Variants in CHD9 observed in about 807,000 individuals in gnomAD.
The protein encoded by CHD9 is chromodomain helicase DNA binding protein 9.
Under a neutral mutation model 316.1 loss-of-function variants are expected in CHD9, and 77 were observed. The observed-to-expected ratio is 0.24, with a 90% CI of 0.20 to 0.29. The LOEUF is 0.29. Among genes scored for constraint, CHD9 ranks in the 10% least tolerant of loss-of-function variants. The pLI is 1.00. For synonymous variants in CHD9, 1,129 were observed against 1,158.3 expected (o/e 0.97, Z 0.51); for missense variants, 2,763 against 3,438.1 (o/e 0.80, Z 4.91).
intron 2 of CHD9, among the ~76,000 whole-genome samples, chr16:53,171,633 G>C (rs1404814763): frequency 2.0e-5 from 3 of 151,962 alleles, no homozygotes; most frequent in African/African-American, 7.3e-5. Flanking sequence ...GTGATCACTT[G>C]AGCTGAGGCG....
Position 53,304,566 on chromosome 16 carries a change from C to A in CHD9, c.6560C>A (p.Ser2187Tyr). Residue 2187 changes from serine to tyrosine, a missense_variant, in exon 31 of 39, where the codon TCC becomes TAC. Physicochemically the swap from Ser to Tyr is moderately radical, Grantham distance 144 (BLOSUM62 -2). Around this residue, in one of 15 missense-constraint regions of CHD9, gnomAD observed 663 missense variants for 751.2 expected, o/e 0.88. Coordinates refer to ENST00000447540, the MANE Select transcript of CHD9 (RefSeq NM_001308319.2). ...SSSSSTSSSS[S>Y]SSSSSSEESD... Reference sequence around the variant, plus strand: ...TCTTCCTCCACCTCTTCCTCCTCCTCCTCCTCTTCATCTTCATCAGAAGAA... The same window carrying A: ...TCTTCCTCCACCTCTTCCTCCTCCTACTCCTCTTCATCTTCATCAGAAGAA... 1 of 1,548,702 alleles carries A rather than the reference C, an allele frequency of 6.5e-7. No homozygotes were observed.
At chr16:53,277,276 A>T (rs1386143707) in intron 24 of CHD9, among the ~76,000 whole-genome samples, 1 of 152,208 alleles carries the variant, frequency 6.6e-6, no homozygotes, top group Non-Finnish European at 1.5e-5. Flanking sequence ...TATCACCCTG[A>T]TACCAAAACC....
intron 30 of CHD9, among the ~76,000 whole-genome samples, chr16:53,298,039 T>A (rs2054963625): frequency 6.6e-6 from 1 of 152,232 alleles, no homozygotes; most frequent in South Asian, 2.1e-4. Flanking sequence ...TTCCCATCAA[T>A]AATATAGTGA....
At chr16:53,106,812 A>G (rs2037396520) in intron 1 of CHD9, among the ~76,000 whole-genome samples, 1 of 152,228 alleles carries the variant, frequency 6.6e-6, no homozygotes, top group Non-Finnish European at 1.5e-5. Flanking sequence ...TATCCTTGAA[A>G]ACATTTAGAA....
chr16:53,139,431 A>G (rs749964703), intron 1 of CHD9, among the ~76,000 whole-genome samples: 3 of 152,260 alleles, frequency 2.0e-5, no homozygotes, highest in Non-Finnish European at 4.4e-5. Context: ...TGTTAATTTA[A>G]TTGAACCAAG....
intron 22 of CHD9, among the ~76,000 whole-genome samples, chr16:53,271,030 A>T (rs1048860367): frequency 6.6e-6 from 1 of 152,046 alleles, no homozygotes; most frequent in Non-Finnish European, 1.5e-5. Context: ...GGATTAAATA[A>T]CTGTGTGCAT....
chr16:53,327,429 C>G lies in CHD9; in HGVS notation c.*2534C>G, dbSNP rs1404843036. The G allele has an allele frequency of 6.6e-6, 1 of 152,420 alleles. No homozygotes were observed. Among genetic ancestry groups the G allele is most frequent in the African/African-American group, 2.4e-5 (1 of 41,414 alleles). 9.4% of individuals were successfully genotyped at this position (152,420 alleles called of 1,614,324 possible). On this transcript the variant is annotated 3_prime_UTR_variant, in exon 39 of 39. Transcript: ENST00000447540. ...AAGTCATTTGTAATTTATTAAATTA[C>G]TTTCTATGATGTTCTATAGAGCAAA... is the stretch of plus-strand genomic sequence containing the variant.
intron 1 of CHD9, among the ~76,000 whole-genome samples, chr16:53,062,820 T>A (rs926029995): frequency 1.3e-5 from 2 of 151,964 alleles, no homozygotes; most frequent in Non-Finnish European, 1.5e-5. Context: ...CACCTGAGGT[T>A]GGGAGATTGA....
chr16:53,130,119 G>A (rs1597078470), intron 1 of CHD9, among the ~76,000 whole-genome samples: 1 of 152,328 alleles, frequency 6.6e-6, no homozygotes. Context: ...AGACAGGGTT[G>A]CAACCGCAGG....
At chr16:53,158,320 C>A (rs542374819) in intron 2 of CHD9, among the ~76,000 whole-genome samples, 2 of 152,060 alleles carry the variant, frequency 1.3e-5, no homozygotes. Context: ...ATTGTAATCA[C>A]GATAGACCAT....
intron 2 of CHD9, among the ~76,000 whole-genome samples, chr16:53,163,462 G>A (rs942693150): frequency 6.6e-6 from 1 of 152,014 alleles, no homozygotes; most frequent in Non-Finnish European, 1.5e-5. Context: ...TGCCTGCCTC[G>A]GCCTCCCAAA....
At chr16:53,108,467 T>C (rs1205346750) in intron 1 of CHD9, among the ~76,000 whole-genome samples, 1 of 152,006 alleles carries the variant, frequency 6.6e-6, no homozygotes, top group Non-Finnish European at 1.5e-5. Flanking sequence ...ATTGCACCAG[T>C]GCACTCCAGC....
chr16:53,156,596 A>T lies in CHD9; in HGVS notation c.507A>T (p.Glu169Asp), dbSNP rs2041538155. The T allele has an allele frequency of 6.2e-7, 1 of 1,613,888 alleles. No individual in the cohort carries two copies. The highest frequency in any genetic ancestry group is 1.3e-5 in the African/African-American group (1 of 74,928). Residue 169 changes from glutamate to aspartate, a missense_variant, in exon 2 of 39, where the codon GAA (glutamate) becomes GAT (aspartate). Physicochemically the swap from Glu to Asp is conservative, Grantham distance 45 (BLOSUM62 2). Around this residue, in one of 15 missense-constraint regions of CHD9, gnomAD observed 859 missense variants for 890.4 expected, o/e 0.96. Coordinates refer to ENST00000447540, the MANE Select transcript of CHD9 (RefSeq NM_001308319.2). ...ACTTTGCCTTATTTCAGGCCAATGA[A>T]CAACAAACACAGTGTACTTCACTAC... ...HHDFALFQAN[E>D]QQTQCTSLRS...
rs553476900 is a variant in CHD9 at position 53,209,551 on chromosome 16, A to G, written c.1522A>G (p.Met508Val). ...TKLQNTQVRVMSEKKQRKKVE... is the reference protein window; with the variant it reads ...TKLQNTQVRVVSEKKQRKKVE... ...GTTGCAGAATACCCAGGTGAGGGTCATGTCTGAGAAGAAGCAGAGAAAAAA... is the reference window on the plus strand; with the variant it reads ...GTTGCAGAATACCCAGGTGAGGGTCGTGTCTGAGAAGAAGCAGAGAAAAAA... Residue 508 changes from methionine (M) to valine (V), a missense_variant, in exon 3 of 39, where the codon ATG becomes GTG. Coordinates refer to ENST00000447540, the MANE Select transcript of CHD9 (RefSeq NM_001308319.2). The G allele has an allele frequency of 6.2e-7, 1 of 1,613,842 alleles. No individual in the cohort carries two copies. Among genetic ancestry groups the G allele is most frequent in the African/African-American group, 1.3e-5 (1 of 75,054 alleles).
At chr16:53,074,428 G>A (rs926590899) in intron 1 of CHD9, among the ~76,000 whole-genome samples, 1 of 152,242 alleles carries the variant, frequency 6.6e-6, no homozygotes, top group African/African-American at 2.4e-5. Context: ...GGAGCTGAAT[G>A]TTAATCCCCA....
chr16:53,188,661 C>A (rs909624494), intron 2 of CHD9, among the ~76,000 whole-genome samples: 1 of 115,662 alleles, frequency 8.6e-6, no homozygotes, highest in Non-Finnish European at 1.6e-5. Flanking sequence ...GTGGTACCAT[C>A]TCGGCTCACT....
At chr16:53,202,484 T>C (rs1434258379) in intron 2 of CHD9, among the ~76,000 whole-genome samples, 1 of 152,088 alleles carries the variant, frequency 6.6e-6, no homozygotes. Flanking sequence ...TTCTTACAGT[T>C]TCTTTGTTGA....
At chr16:53,236,965 C>T (rs1191709423) in intron 11 of CHD9, among the ~76,000 whole-genome samples, 2 of 152,040 alleles carry the variant, frequency 1.3e-5, no homozygotes, top group East Asian at 1.9e-4. Flanking sequence ...CTATACTCCC[C>T]GTGCCTTCAC....
At chr16:53,081,277 C>T (rs1286554023) in intron 1 of CHD9, among the ~76,000 whole-genome samples, 1 of 152,192 alleles carries the variant, frequency 6.6e-6, no homozygotes, top group Non-Finnish European at 1.5e-5. Flanking sequence ...ATGGGAGGGA[C>T]TTACAGGGAG....
Sources: allele counts gnomAD v4.1 joint callset (sites outside exome capture counted in the v4.1 genomes callset), GRCh38; gene constraint gnomAD v4.1.1; regional missense constraint gnomAD v4.1.1; transcripts MANE v1.5; gene names NCBI Gene and HGNC (gene_info 2026-07-23, HGNC 2026-07-21).